The following CDK14 variants were observed in gnomAD, a reference collection of about 807,000 sequenced individuals.
CDK14 encodes cyclin-dependent kinase 14.
Under a neutral mutation model 60.7 loss-of-function variants are expected in CDK14, and 34 were observed. The ratio of observed to expected loss-of-function variants is 0.56; its 90% CI spans 0.43 to 0.75. The LOEUF is 0.75. Ranked by LOEUF, CDK14 falls within the 30% of genes least tolerant of loss-of-function variation. The pLI is 0.00. For missense variants in CDK14, 482 were observed against 564.1 expected, an observed-to-expected ratio of 0.85 and a Z score of 1.47; for synonymous variants, 197 against 203.7, an observed-to-expected ratio of 0.97 and a Z score of 0.28.
intron 2 of CDK14, among the ~76,000 whole-genome samples, chr7:90,633,463 A>G (rs1388980351): frequency 6.6e-6 from 1 of 152,166 alleles, no homozygotes; most frequent in African/African-American, 2.4e-5. Flanking sequence ...AATTTTGTTT[A>G]TTTTTATTTG....
rs1034960973 is a variant in CDK14, at chr7:90,879,172, G to A, written c.639+15903G>A. On this transcript the variant is annotated intron_variant, in intron 6 of 14. Transcript: ENST00000380050. ...CTATCCAACCACTCCAGAGAGAGCC[G>A]ATGCTACCATGTATTATCCTTGAAG... 3.9e-5 allele frequency among the ~76,000 whole-genome samples: 6 copies of A among 152,226 alleles called. No individual in the cohort carries two copies. In the East Asian group the frequency reaches 1.2e-3, roughly 29 times the overall value.
intron 11 of CDK14, among the ~76,000 whole-genome samples, chr7:91,056,770 G>A (rs1300287726): frequency 6.6e-6 from 1 of 152,148 alleles, no homozygotes; most frequent in Non-Finnish European, 1.5e-5. Context: ...AGTATTCCAT[G>A]CTATATATGT....
At position 90,811,026 on chromosome 7, in the gene CDK14, G is replaced by A. The variant is rs570550528; in HGVS notation, c.544+20374G>A. Among the ~76,000 whole-genome samples the A allele has an allele frequency of 5.8e-3, 876 of 152,266 alleles. 14 individuals carry two copies. Among genetic ancestry groups the A allele is most frequent in the African/African-American group, 0.02 (826 of 41,546 alleles). On this transcript the variant is annotated intron_variant, in intron 5 of 14. Coordinates refer to ENST00000380050, the MANE Select transcript of CDK14 (RefSeq NM_001287135.2). ...TGGATAGGAAGAATCAATATCGTGA[G>A]AATGGCCATACTGCCCAAGGTAATT... is the stretch of plus-strand genomic sequence containing the variant.
chr7:90,618,568 C>T lies in CDK14; in HGVS notation c.123+14319C>T, dbSNP rs141753889. Among the ~76,000 whole-genome samples the T allele has an allele frequency of 2.9e-3, 438 of 152,208 alleles. 2 individuals are homozygous for T. The highest frequency in any genetic ancestry group is 0.01 in the African/African-American group (419 of 41,528). ...TTGCTTTTGCCATCTTTGTACCAGA[C>T]ATAATACTTTTTTGATGTGCAACTG... On this transcript the variant is annotated intron_variant, in intron 2 of 14. Coordinates refer to ENST00000380050, the MANE Select transcript of CDK14 (RefSeq NM_001287135.2).
intron 10 of CDK14, among the ~76,000 whole-genome samples, chr7:91,017,967 T>G (rs571177066): frequency 6.6e-6 from 1 of 152,204 alleles, no homozygotes; most frequent in Non-Finnish European, 1.5e-5. Flanking sequence ...ACAGAGGTTG[T>G]GCTGGCAAAC....
chr7:91,052,499 T>C (rs1562883848), intron 11 of CDK14, among the ~76,000 whole-genome samples: 1 of 152,220 alleles, frequency 6.6e-6, no homozygotes, highest in Non-Finnish European at 1.5e-5. Context: ...AAACCACCAA[T>C]AACACTTCGT....
intron 8 of CDK14, among the ~76,000 whole-genome samples, chr7:90,951,400 A>G (rs996914453): frequency 1.3e-5 from 2 of 152,206 alleles, no homozygotes; most frequent in Non-Finnish European, 2.9e-5. Context: ...AATGAAAGAT[A>G]CTATTTCTAT....
At chr7:90,922,563 T>C (rs910024326) in intron 8 of CDK14, among the ~76,000 whole-genome samples, 2 of 152,208 alleles carry the variant, frequency 1.3e-5, no homozygotes, top group Non-Finnish European at 2.9e-5. Flanking sequence ...GACAAAGTTA[T>C]TTCCCTTTGA....
At chr7:90,978,627 A>G (rs1365595430) in intron 9 of CDK14, among the ~76,000 whole-genome samples, 1 of 152,184 alleles carries the variant, frequency 6.6e-6, no homozygotes, top group Non-Finnish European at 1.5e-5. Flanking sequence ...CATGATGCAT[A>G]TCAGCTCACA....
intron 14 of CDK14, among the ~76,000 whole-genome samples, chr7:91,120,626 G>A (rs182765818): frequency 0.016 from 2,391 of 148,572 alleles, 27 homozygotes; most frequent in Non-Finnish European, 0.025. Flanking sequence ...CTCTGCCCCC[G>A]CCTGGGTTCA....
At chr7:90,783,397 A>G (rs972908125) in intron 4 of CDK14, among the ~76,000 whole-genome samples, 2 of 152,256 alleles carry the variant, frequency 1.3e-5, no homozygotes, top group East Asian at 1.9e-4. Flanking sequence ...TATTTGCCCA[A>G]CCAATGTTCT....
intron 8 of CDK14, among the ~76,000 whole-genome samples, chr7:90,926,205 C>G (rs1172593957): frequency 6.6e-6 from 1 of 152,042 alleles, no homozygotes; most frequent in Non-Finnish European, 1.5e-5. Context: ...ATGTTCAGGT[C>G]GAAGTAAGCC....
intron 10 of CDK14, among the ~76,000 whole-genome samples, chr7:91,011,375 AT>A (rs1796155126): frequency 6.6e-6 from 1 of 152,108 alleles, no homozygotes; most frequent in Non-Finnish European, 1.5e-5. Context: ...CTTTAAAGAT[AT>A]TCTCTTTATC....
intron 9 of CDK14, among the ~76,000 whole-genome samples, chr7:90,959,854 AATAG>A (rs1330078610): frequency 8.5e-5 from 13 of 152,174 alleles, no homozygotes; most frequent in Non-Finnish European, 1.2e-4. Flanking sequence ...CTTTTATGAA[AATAG>A]ATAGTTTTTG....
In CDK14 at chr7:90,608,559, C is replaced by T. The variant is rs570928670; in HGVS notation, c.123+4310C>T. The T allele has an allele frequency of 5.2e-5, 51 of 984,840 alleles. No individual in the cohort carries two copies. In the African/African-American group the frequency reaches 8.0e-4, roughly 15 times the overall value. The allele number at this position is 984,840 out of a possible 1,614,324, so 61.0% of individuals were successfully genotyped here. Reference sequence around the variant, plus strand: ...GATGATTGCCAGAACAAAGTGTTGGCTCTGCCTGGCTCTTTGGTGAGAAAT... The same window carrying T: ...GATGATTGCCAGAACAAAGTGTTGGTTCTGCCTGGCTCTTTGGTGAGAAAT... On this transcript the variant is annotated intron_variant, in intron 2 of 14. Coordinates refer to ENST00000380050, the MANE Select transcript of CDK14 (RefSeq NM_001287135.2).
intron 14 of CDK14, among the ~76,000 whole-genome samples, chr7:91,149,255 G>A (rs1293210404): frequency 3.3e-5 from 5 of 151,122 alleles, no homozygotes; most frequent in South Asian, 2.1e-4. Context: ...ACCATTTTCC[G>A]AACGTGCCAT....
chr7:90,598,761 G>T (rs1460135379), intron 1 of CDK14, among the ~76,000 whole-genome samples: 2 of 128,044 alleles, frequency 1.6e-5, no homozygotes, highest in East Asian at 4.7e-4. Flanking sequence ...CTGGAGTGCA[G>T]TGGCGGGATC....
intron 12 of CDK14, among the ~76,000 whole-genome samples, chr7:91,105,773 A>G (rs1799275828): frequency 6.6e-6 from 1 of 152,210 alleles, no homozygotes; most frequent in South Asian, 2.1e-4. Context: ...GAGTTATCAG[A>G]CATACAACTA....
chr7:90,958,486 T>C (rs1008081178), intron 9 of CDK14, among the ~76,000 whole-genome samples: 1 of 152,172 alleles, frequency 6.6e-6, no homozygotes, highest in South Asian at 2.1e-4. Context: ...ATTAAGGGGC[T>C]GAGCTAATCT....
Sources: allele counts gnomAD v4.1 joint callset (sites outside exome capture counted in the v4.1 genomes callset), GRCh38; gene constraint gnomAD v4.1.1; transcripts MANE v1.5; gene names NCBI Gene and HGNC (gene_info 2026-07-23, HGNC 2026-07-21).